The following FAM135B variants were observed in gnomAD, a reference collection of about 807,000 sequenced individuals.
The protein encoded by FAM135B is protein FAM135B.
In FAM135B, 43 loss-of-function variants were observed where a neutral mutation model predicts 127.7. The observed-to-expected ratio is 0.34, with a 90% CI of 0.26 to 0.43. FAM135B has a LOEUF of 0.43. Ranked by LOEUF, FAM135B falls within the 20% of genes least tolerant of loss-of-function variation. The pLI is 1.00. For synonymous variants in FAM135B, 670 were observed against 665.1 expected (o/e 1.01, Z -0.11); for missense variants, 1,558 against 1,725.6 (o/e 0.90, Z 1.72).
At chr8:138,327,025 C>T (rs1470283710) in intron 2 of FAM135B, among the ~76,000 whole-genome samples, 1 of 152,068 alleles carries the variant, frequency 6.6e-6, no homozygotes, top group African/African-American at 2.4e-5. Context: ...GTTGGCCCAT[C>T]ATCCAATTCA....
rs549432040 is a variant in FAM135B at position 138,159,194 on chromosome 8, C to T, written c.1259-5978G>A. Among the ~76,000 whole-genome samples the T allele has an allele frequency of 4.1e-3, 585 of 141,770 alleles. 24 individuals carry two copies. The Admixed American group carries it at 0.042, about 10-fold the overall frequency. The allele number at this position is 141,770 out of a possible 152,430, so 93.0% of individuals were successfully genotyped here. A position where few individuals can be genotyped will look rare whatever the true frequency, so the allele number is the denominator to read the frequency against. On this transcript the variant is annotated intron_variant, in intron 12 of 19. Transcript: ENST00000395297. ...GGCTGAGGCAGGAGAATGGCGTGAACCCGGGAAGCGGAGCTTGCAGTGAGC... is the reference window on the plus strand; with the variant it reads ...GGCTGAGGCAGGAGAATGGCGTGAATCCGGGAAGCGGAGCTTGCAGTGAGC...
At chr8:138,173,941 G>T (rs1814171233) in intron 11 of FAM135B, among the ~76,000 whole-genome samples, 1 of 152,110 alleles carries the variant, frequency 6.6e-6, no homozygotes, top group Admixed American at 6.5e-5. Flanking sequence ...CTTGCTACTG[G>T]TCAATTCTAG....
chr8:138,342,278 A>G (rs1829104688), intron 2 of FAM135B, among the ~76,000 whole-genome samples: 1 of 152,168 alleles, frequency 6.6e-6, no homozygotes, highest in Admixed American at 6.5e-5. Context: ...TGAGTGACAG[A>G]TAGAGAAAAT....
intron 1 of FAM135B, among the ~76,000 whole-genome samples, chr8:138,425,143 A>C: frequency 6.6e-6 from 1 of 152,196 alleles, no homozygotes; most frequent in East Asian, 1.9e-4. Context: ...TATATTTTAA[A>C]AGTAATAAGA....
At chr8:138,300,266 T>TAAA (rs35141807) in intron 3 of FAM135B, among the ~76,000 whole-genome samples, 1 of 148,020 alleles carries the variant, frequency 6.8e-6, no homozygotes. Context: ...TGGGAATAAT[T>TAAA]AAAAAAAAAA....
chr8:138,188,709 G>T (rs747330679), intron 9 of FAM135B, among the ~76,000 whole-genome samples: 82 of 152,218 alleles, frequency 5.4e-4, no homozygotes, highest in Non-Finnish European at 9.9e-4. Flanking sequence ...CCTGCCCACT[G>T]TTCCACAAGC....
Position 138,377,777 on chromosome 8 carries a change from G to A in FAM135B, c.-19-9775C>T, listed in dbSNP as rs1831577125. 2.0e-5 allele frequency among the ~76,000 whole-genome samples: 3 copies of A among 152,136 alleles called. No homozygotes were observed. The South Asian group carries it at 6.2e-4, about 32-fold the overall frequency. ...GAGAATGTGCTGCCTTTTCTCTAGGGTCCAAAAGAAGCAGCAGAAATTACT... is the reference window on the plus strand; with the variant it reads ...GAGAATGTGCTGCCTTTTCTCTAGGATCCAAAAGAAGCAGCAGAAATTACT... On this transcript the variant is annotated intron_variant, in intron 1 of 19. Coordinates refer to ENST00000395297, the MANE Select transcript of FAM135B (RefSeq NM_015912.4).
At chr8:138,337,906 C>A (rs1425831933) in intron 2 of FAM135B, among the ~76,000 whole-genome samples, 1 of 152,094 alleles carries the variant, frequency 6.6e-6, no homozygotes, top group Non-Finnish European at 1.5e-5. Context: ...GGTACCAAAA[C>A]AGAGATATAG....
intron 1 of FAM135B, among the ~76,000 whole-genome samples, chr8:138,401,891 G>A (rs1833173786): frequency 6.6e-6 from 1 of 152,146 alleles, no homozygotes; most frequent in Non-Finnish European, 1.5e-5. Context: ...AGCATTCTGG[G>A]AACTCAGGCA....
intron 3 of FAM135B, among the ~76,000 whole-genome samples, chr8:138,269,676 A>G (rs1206736500): frequency 6.6e-6 from 1 of 152,226 alleles, no homozygotes; most frequent in African/African-American, 2.4e-5. Flanking sequence ...TATAAGTTCT[A>G]GACTTGTCCC....
intron 19 of FAM135B, among the ~76,000 whole-genome samples, chr8:138,135,961 C>G (rs528547156): frequency 2.0e-5 from 3 of 151,702 alleles, no homozygotes; most frequent in African/African-American, 7.3e-5. Flanking sequence ...TAGAAGAACA[C>G]GAAAAGTAGG....
chr8:138,252,400 T>C (rs1023167630), intron 5 of FAM135B, among the ~76,000 whole-genome samples: 1 of 152,202 alleles, frequency 6.6e-6, no homozygotes, highest in African/African-American at 2.4e-5. Flanking sequence ...CACTATTGCT[T>C]TGAATCCAGT....
At chr8:138,388,118 C>T (rs1231148969) in intron 1 of FAM135B, among the ~76,000 whole-genome samples, 1 of 152,118 alleles carries the variant, frequency 6.6e-6, no homozygotes, top group South Asian at 2.1e-4. Context: ...AAAAGACACA[C>T]AGATGGCAAA....
intron 2 of FAM135B, among the ~76,000 whole-genome samples, chr8:138,343,812 G>A (rs906963000): frequency 6.6e-6 from 1 of 152,174 alleles, no homozygotes; most frequent in African/African-American, 2.4e-5. Flanking sequence ...TGCATTCCCT[G>A]AGGACTCTGG....
intron 1 of FAM135B, among the ~76,000 whole-genome samples, chr8:138,385,054 C>A (rs777672056): frequency 1.4e-4 from 21 of 152,130 alleles, no homozygotes; most frequent in Non-Finnish European, 2.8e-4. Flanking sequence ...TAAGATGCCC[C>A]AGCAAACAGC....
chr8:138,444,063 C>T (rs543556910), intron 1 of FAM135B, among the ~76,000 whole-genome samples: 1 of 152,168 alleles, frequency 6.6e-6, no homozygotes, highest in African/African-American at 2.4e-5. Context: ...AAGGCCATTA[C>T]ATAATGGTAA....
intron 18 of FAM135B, 39 bp from the exon 19 acceptor site, chr8:138,137,299 A>G: frequency 6.3e-6 from 7 of 1,108,354 alleles, no homozygotes; most frequent in Non-Finnish European, 9.7e-6. Flanking sequence ...TTACCCAGGT[A>G]GTTTCAACTT....
intron 3 of FAM135B, among the ~76,000 whole-genome samples, chr8:138,269,034 G>C (rs1264132761): frequency 6.6e-6 from 1 of 152,156 alleles, no homozygotes; most frequent in African/African-American, 2.4e-5. Context: ...TACAGCAGAG[G>C]AGGTAAGAGG....
chr8:138,172,512 C>G (rs1212885863), intron 11 of FAM135B, among the ~76,000 whole-genome samples: 1 of 152,244 alleles, frequency 6.6e-6, no homozygotes, highest in Non-Finnish European at 1.5e-5. Context: ...ACTGGTCCTA[C>G]TTGGTCAAAT....
Sources: gnomAD v4.1 joint callset for allele counts (sites outside exome capture counted in the v4.1 genomes callset) on GRCh38, gnomAD v4.1.1 for gene constraint, MANE v1.5 for transcripts, NCBI Gene and HGNC (gene_info 2026-07-23, HGNC 2026-07-21) for gene names.